KIF6: variants seen among roughly 807,000 people sequenced by gnomAD.
The protein encoded by KIF6 is kinesin-like protein KIF6.
KIF6 carries 106 observed loss-of-function variants against 112.7 expected under a neutral mutation model. That is an observed-to-expected ratio of 0.94 (90% CI 0.80 to 1.11). The LOEUF is 1.11. Ranked by LOEUF, KIF6 falls within the 50% of genes least tolerant of loss-of-function variation. The pLI, the probability that KIF6 is intolerant of heterozygous loss-of-function variation, is 0.00. For synonymous variants in KIF6, 339 were observed against 339.9 expected, an observed-to-expected ratio of 1.00 and a Z score of 0.03; for missense variants, 929 against 964.0, an observed-to-expected ratio of 0.96 and a Z score of 0.48.
chr6:39,655,132 A>G (rs553822696), intron 3 of KIF6, among the ~76,000 whole-genome samples: 64 of 152,276 alleles, frequency 4.2e-4, no homozygotes, highest in Admixed American at 9.8e-4. Context: ...TATTTTGCCA[A>G]TTTGATGAAA....
chr6:39,535,501 A>G (rs1186286232), intron 13 of KIF6, among the ~76,000 whole-genome samples: 1 of 152,256 alleles, frequency 6.6e-6, no homozygotes, highest in Non-Finnish European at 1.5e-5. Context: ...TCTATTCAAC[A>G]AGAAGAGCTA....
intron 16 of KIF6, among the ~76,000 whole-genome samples, chr6:39,367,210 A>G (rs908236483): frequency 4.6e-5 from 7 of 152,194 alleles, no homozygotes; most frequent in Non-Finnish European, 1.5e-5. Context: ...GAAGAGAAAT[A>G]GGGGCTGGGA....
At chr6:39,563,900 C>A (rs934445298) in intron 10 of KIF6, among the ~76,000 whole-genome samples, 5 of 152,162 alleles carry the variant, frequency 3.3e-5, no homozygotes, top group Non-Finnish European at 7.3e-5. Context: ...AAAAATTGCA[C>A]CTCATTTTAA....
At chr6:39,695,241 C>T (rs913018895) in intron 3 of KIF6, among the ~76,000 whole-genome samples, 1 of 152,086 alleles carries the variant, frequency 6.6e-6, no homozygotes, top group East Asian at 1.9e-4. Flanking sequence ...AAATACCCTT[C>T]TAGACACTGG....
chr6:39,505,638 C>CTTAA (rs980431955), intron 13 of KIF6, among the ~76,000 whole-genome samples: 1 of 152,168 alleles, frequency 6.6e-6, no homozygotes, highest in Non-Finnish European at 1.5e-5. Context: ...CTACAAGGAA[C>CTTAA]TTAAACAAAT....
At chr6:39,405,948 C>G (rs1357813505) in intron 15 of KIF6, among the ~76,000 whole-genome samples, 1 of 152,174 alleles carries the variant, frequency 6.6e-6, no homozygotes, top group Non-Finnish European at 1.5e-5. Flanking sequence ...CTACTTTTAT[C>G]TAAATTGTCA....
intron 15 of KIF6, among the ~76,000 whole-genome samples, chr6:39,394,789 C>T (rs896543013): frequency 6.6e-6 from 1 of 152,188 alleles, no homozygotes; most frequent in African/African-American, 2.4e-5. Flanking sequence ...ATTTAGTATG[C>T]TAAACATCAC....
At chr6:39,407,311 A>G (rs1166721736) in intron 15 of KIF6, among the ~76,000 whole-genome samples, 4 of 152,224 alleles carry the variant, frequency 2.6e-5, no homozygotes, top group Non-Finnish European at 5.9e-5. Context: ...TTACTGATGC[A>G]GGCACTTTAT....
intron 5 of KIF6, among the ~76,000 whole-genome samples, chr6:39,633,689 T>C (rs1031098879): frequency 6.6e-6 from 1 of 152,204 alleles, no homozygotes; most frequent in African/African-American, 2.4e-5. Context: ...ATGGCTAGCA[T>C]TCAGCAGTCA....
At chr6:39,554,086 C>T (rs1779550987) in intron 10 of KIF6, 1 of 157,036 alleles carries the variant, frequency 6.4e-6, no homozygotes, top group Non-Finnish European at 1.4e-5. Flanking sequence ...TGCAATAGGG[C>T]TGGAGATTGC....
intron 3 of KIF6, among the ~76,000 whole-genome samples, chr6:39,640,858 C>A (rs376686786): frequency 1.3e-5 from 2 of 152,246 alleles, no homozygotes; most frequent in African/African-American, 4.8e-5. Context: ...TTCAGCAACA[C>A]GTCAATGCAT....
At chr6:39,596,292 G>C (rs763396057) in intron 6 of KIF6, 32 bp from the exon 7 acceptor site, 2 of 1,385,998 alleles carry the variant, frequency 1.4e-6, no homozygotes. Flanking sequence ...AAAATTATTT[G>C]AACAATGAAA....
At chr6:39,485,515 C>T (rs1775059240) in intron 13 of KIF6, among the ~76,000 whole-genome samples, 1 of 152,084 alleles carries the variant, frequency 6.6e-6, no homozygotes, top group Non-Finnish European at 1.5e-5. Flanking sequence ...TGATCCCCAG[C>T]ACTTAGAACA....
At chr6:39,373,631 C>T (rs4714246) in intron 16 of KIF6, among the ~76,000 whole-genome samples, 61,531 of 151,594 alleles carry the variant, frequency 0.41, 14,535 homozygotes, top group Non-Finnish European at 0.52. Context: ...GTAACAACAA[C>T]AAAAAACCCA....
chr6:39,481,140 T>C (rs1448390713), intron 13 of KIF6, among the ~76,000 whole-genome samples: 3 of 152,178 alleles, frequency 2.0e-5, no homozygotes, highest in African/African-American at 7.2e-5. Flanking sequence ...GCTATCTTTT[T>C]TTAAAAAATG....
chr6:39,647,361 C>A (rs1245381946), intron 3 of KIF6, among the ~76,000 whole-genome samples: 1 of 152,112 alleles, frequency 6.6e-6, no homozygotes, highest in Non-Finnish European at 1.5e-5. Flanking sequence ...CTCCCAGTCT[C>A]CTTCTACAAG....
At chr6:39,474,742 C>T (rs1002000957) in intron 13 of KIF6, among the ~76,000 whole-genome samples, 2 of 152,200 alleles carry the variant, frequency 1.3e-5, no homozygotes, top group South Asian at 2.1e-4. Flanking sequence ...TGTGTGGTAA[C>T]GCTGTGATTT....
At chr6:39,337,207 C>CTTTCTTTCTTTCTTTCTTTCTTTCT (rs1763050731) in intron 22 of KIF6, among the ~76,000 whole-genome samples, 1 of 92,644 alleles carries the variant, frequency 1.1e-5, no homozygotes, top group Admixed American at 1.1e-4. Flanking sequence ...TTCTTTCTTT[C>CTTTCTTTCTTTCTTTCTTTCTTTCT]TTTCTTTCTT....
At chr6:39,679,337 G>T in intron 3 of KIF6, among the ~76,000 whole-genome samples, 1 of 152,084 alleles carries the variant, frequency 6.6e-6, no homozygotes, top group Non-Finnish European at 1.5e-5. Flanking sequence ...GCATTAGGGC[G>T]GTATTATCCT....
Sources: allele counts gnomAD v4.1 joint callset (sites outside exome capture counted in the v4.1 genomes callset), GRCh38; gene constraint gnomAD v4.1.1; transcripts MANE v1.5; gene names NCBI Gene and HGNC (gene_info 2026-07-23, HGNC 2026-07-21).